HOOK3: variants seen among roughly 807,000 people sequenced by gnomAD.
The protein encoded by HOOK3 is hook microtubule tethering protein 3.
In HOOK3, 24 loss-of-function variants were observed where a neutral mutation model predicts 116.3. The observed-to-expected ratio is 0.21, with a 90% confidence interval of 0.15 to 0.29. The LOEUF (loss-of-function observed/expected upper bound fraction) is 0.29, where lower values mean the gene tolerates loss of function less well. HOOK3 is among the 10% of genes least tolerant of loss of function. The pLI, the probability that HOOK3 is intolerant of heterozygous loss-of-function variation, is 1.00. For synonymous variants in HOOK3, 275 were observed against 283.0 expected (o/e 0.97, Z 0.28); for missense variants, 632 against 830.2 (o/e 0.76, Z 2.93).
chr8:42,938,973 C>A (rs1174520131), intron 4 of HOOK3, among the ~76,000 whole-genome samples: 2 of 152,052 alleles, frequency 1.3e-5, no homozygotes, highest in East Asian at 3.9e-4. Flanking sequence ...CTTGCACCGC[C>A]CTTAATCCAT....
At chr8:42,900,675 G>T (rs980364842) in intron 1 of HOOK3, among the ~76,000 whole-genome samples, 2 of 152,214 alleles carry the variant, frequency 1.3e-5, no homozygotes, top group Admixed American at 6.5e-5. Context: ...TATAGCATAA[G>T]AGTACATACA....
At chr8:42,915,455 G>C (rs984798602) in intron 2 of HOOK3, among the ~76,000 whole-genome samples, 5 of 152,094 alleles carry the variant, frequency 3.3e-5, no homozygotes, top group African/African-American at 7.2e-5. Context: ...TTTAAAGACA[G>C]AGTCTTGCTC....
chr8:43,003,068 C>T (rs1056760556), intron 17 of HOOK3, among the ~76,000 whole-genome samples: 1 of 152,042 alleles, frequency 6.6e-6, no homozygotes, highest in Non-Finnish European at 1.5e-5. Context: ...CCAGTAACAA[C>T]CTTAATCCTT....
chr8:42,955,505 A>G (rs1273619280), intron 6 of HOOK3, among the ~76,000 whole-genome samples: 1 of 152,230 alleles, frequency 6.6e-6, no homozygotes, highest in Admixed American at 6.5e-5. Context: ...AGTCATAGAA[A>G]GACATGAAAT....
rs753919558 is a variant in HOOK3 at position 43,023,399 on chromosome 8, T to TTCC, written c.*4903_*4905dup. The stretch of plus-strand genomic sequence containing the variant: ...CTCTCCTTCCTTCCTCCTTCCTTCC[T>TTCC]TCCTTCCTTCCTTCCTTCCTTCCCT... On this transcript the variant is annotated 3_prime_UTR_variant, in exon 22 of 22. Transcript: ENST00000307602. 23 of 166,698 alleles carry TTCC rather than the reference T, an allele frequency of 1.4e-4. 1 individual carries two copies. Among genetic ancestry groups the TTCC allele is most frequent in the Non-Finnish European group, 2.3e-4 (18 of 77,056 alleles). The allele number at this position is 166,698 out of a possible 1,614,324, so 10.3% of individuals were successfully genotyped here.
intron 21 of HOOK3, among the ~76,000 whole-genome samples, chr8:43,014,271 G>C (rs1809665470): frequency 8.2e-6 from 1 of 121,470 alleles, no homozygotes; most frequent in South Asian, 2.8e-4. Context: ...GGGTGACACA[G>C]CAAGACTGTC....
At chr8:42,962,796 CTTT>C (rs34722373) in intron 8 of HOOK3, among the ~76,000 whole-genome samples, 1 of 99,348 alleles carries the variant, frequency 1.0e-5, no homozygotes, top group African/African-American at 4.4e-5. Flanking sequence ...ACTTCTTCTT[CTTT>C]TTTTTTTTTT....
chr8:42,907,816 C>CAAAAAAAAAAAA (rs71550426), intron 2 of HOOK3, among the ~76,000 whole-genome samples: 5 of 46,196 alleles, frequency 1.1e-4, no homozygotes, highest in Non-Finnish European at 1.4e-4. Flanking sequence ...AGCAACGAGG[C>CAAAAAAAAAAAA]AAAAAAAAAA....
In HOOK3 at chr8:42,997,611, C is replaced by G. The variant is rs1462585497; in HGVS notation, c.1594C>G (p.Gln532Glu). The change falls in exon 16 of 22, where the codon CAG becomes GAG. Residue 532 changes from glutamine (Q) to glutamate (E), a missense_variant. By Grantham distance (29) the Gln-to-Glu change is conservative. Transcript: ENST00000307602. The part of the protein sequence containing the change: ...SQVEELQKSL[Q>E]DQGSKAEDSV... ...AGTTGAAGAATTACAAAAATCTTTA[C>G]AGGATCAAGGCTCAAAAGCAGAAGA... 1 of 1,606,912 alleles carries G rather than the reference C, an allele frequency of 6.2e-7. No individual in the cohort carries two copies. Among genetic ancestry groups the G allele is most frequent in the Admixed American group, 1.7e-5 (1 of 59,974 alleles).
At chr8:42,918,821 A>G (rs1476789074) in intron 2 of HOOK3, among the ~76,000 whole-genome samples, 3 of 152,246 alleles carry the variant, frequency 2.0e-5, no homozygotes, top group Admixed American at 1.3e-4. Flanking sequence ...TCCTATGTCT[A>G]CTTCTACACA....
intron 9 of HOOK3, among the ~76,000 whole-genome samples, chr8:42,965,252 G>C (rs1045272644): frequency 6.6e-6 from 1 of 152,190 alleles, no homozygotes; most frequent in Non-Finnish European, 1.5e-5. Context: ...TTCGGGAAGG[G>C]CCAGATGACA....
At chr8:42,990,574 C>G (rs1809141237) in intron 15 of HOOK3, among the ~76,000 whole-genome samples, 2 of 151,814 alleles carry the variant, frequency 1.3e-5, no homozygotes, top group African/African-American at 4.8e-5. Context: ...CTCCTGGGCT[C>G]AAGCAATCCA....
Position 42,974,161 on chromosome 8 carries a change from G to A in HOOK3, c.1288G>A (p.Val430Ile). 1 of 1,613,878 alleles carries A rather than the reference G, an allele frequency of 6.2e-7. No homozygotes were observed. Residue 430 changes from valine (V) to isoleucine (I), a missense_variant, in exon 13 of 22, where the codon GTA becomes ATA. Physicochemically the swap from Val to Ile is conservative, Grantham distance 29. Coordinates refer to ENST00000307602, the MANE Select transcript of HOOK3 (RefSeq NM_032410.4). ...GGAAACCATTGAAGAGCTTCGTTGT[G>A]TACAAGCTCAAGAAGGGCAGCTCAC... Reference protein sequence around the residue: ...LKETIEELRCVQAQEGQLTTQ... With the variant: ...LKETIEELRCIQAQEGQLTTQ...
At chr8:43,014,868 G>A (rs1037211909) in intron 21 of HOOK3, among the ~76,000 whole-genome samples, 3 of 152,174 alleles carry the variant, frequency 2.0e-5, no homozygotes, top group Middle Eastern at 3.4e-3. Context: ...ACGATGGCTC[G>A]GTGCGGTGGC....
intron 7 of HOOK3, among the ~76,000 whole-genome samples, chr8:42,957,866 A>G (rs922265745): frequency 4.5e-5 from 6 of 134,162 alleles, no homozygotes; most frequent in East Asian, 2.2e-4. Flanking sequence ...GTCTTGGTCT[A>G]TCGCCCAGGC....
intron 13 of HOOK3, among the ~76,000 whole-genome samples, chr8:42,980,094 C>T (rs528226370): frequency 6.6e-6 from 1 of 151,870 alleles, no homozygotes; most frequent in Admixed American, 6.6e-5. Flanking sequence ...TCCAGAGTAG[C>T]TGGAATTACA....
At position 42,904,810 on chromosome 8, in the gene HOOK3, G is replaced by A. The variant is rs544250446; in HGVS notation, c.58-1363G>A. Among the ~76,000 whole-genome samples the A allele has an allele frequency of 8.0e-4, 121 of 152,182 alleles. 1 individual carries two copies. The South Asian group carries it at 0.011, about 14-fold the overall frequency. On this transcript the variant is annotated intron_variant, in intron 1 of 21. Coordinates refer to ENST00000307602, the MANE Select transcript of HOOK3 (RefSeq NM_032410.4). ...TCCAATTCTTACCCCTACTCGATCT[G>A]TACCAAGCTGCTCTTCATACCTAAA...
At chr8:42,992,361 C>T (rs1809180490) in intron 15 of HOOK3, among the ~76,000 whole-genome samples, 2 of 137,984 alleles carry the variant, frequency 1.4e-5, no homozygotes, top group Non-Finnish European at 3.0e-5. Flanking sequence ...GATCATGCCA[C>T]TGCACTCCAG....
At chr8:42,981,481 C>T (rs752226424) in intron 13 of HOOK3, among the ~76,000 whole-genome samples, 1 of 152,146 alleles carries the variant, frequency 6.6e-6, no homozygotes, top group African/African-American at 2.4e-5. Context: ...ATTAAATTTA[C>T]CCTAATGAAT....
Sources: allele counts gnomAD v4.1 joint callset (sites outside exome capture counted in the v4.1 genomes callset), GRCh38; gene constraint gnomAD v4.1.1; transcripts MANE v1.5; gene names NCBI Gene and HGNC (gene_info 2026-07-23, HGNC 2026-07-21).